ZNF385D: variants seen among roughly 807,000 people sequenced by gnomAD.
ZNF385D encodes zinc finger protein 659.
In ZNF385D, 15 loss-of-function variants were observed where a neutral mutation model predicts 35.8. That is an observed-to-expected ratio of 0.42 (90% CI 0.28 to 0.64). The LOEUF (loss-of-function observed/expected upper bound fraction) is 0.64, where lower values mean the gene tolerates loss of function less well. Among genes scored for constraint, ZNF385D ranks in the 30% least tolerant of loss-of-function variants. The pLI, the probability that ZNF385D is intolerant of heterozygous loss-of-function variation, is 0.23. For synonymous variants in ZNF385D, 212 were observed against 186.8 expected (o/e 1.13, Z -1.10); for missense variants, 474 against 494.6 (o/e 0.96, Z 0.39).
chr3:21,919,969 G>C (rs1007105553), intron 3 of ZNF385D, among the ~76,000 whole-genome samples: 1 of 152,080 alleles, frequency 6.6e-6, no homozygotes, highest in Non-Finnish European at 1.5e-5. Context: ...AATACCATAA[G>C]AATAACAATC....
intron 3 of ZNF385D, among the ~76,000 whole-genome samples, chr3:21,877,479 GTTAT>G (rs1398679554): frequency 1.3e-5 from 2 of 152,038 alleles, no homozygotes; most frequent in African/African-American, 2.4e-5. Context: ...CACTTTGGTA[GTTAT>G]TTAAAGTTAA....
At chr3:21,888,080 C>T (rs1452303967) in intron 3 of ZNF385D, among the ~76,000 whole-genome samples, 1 of 151,888 alleles carries the variant, frequency 6.6e-6, no homozygotes, top group Admixed American at 6.6e-5. Flanking sequence ...AATAATTGCT[C>T]CCCCCCTTTT....
At chr3:22,159,399 T>A (rs1034746589) in intron 3 of ZNF385D, among the ~76,000 whole-genome samples, 1 of 151,956 alleles carries the variant, frequency 6.6e-6, no homozygotes, top group East Asian at 1.9e-4. Flanking sequence ...TAGAGTATAC[T>A]TCATCTTGGA....
Position 21,417,867 on chromosome 3 carries a change from A to G in ZNF385D, c.*3347T>C, listed in dbSNP as rs1700585992. ...TAATGGCAGTGAATTACTGCGATAG[A>G]TCAGGAGAAGCCAAATAGTACCTAA... On this transcript the variant is annotated 3_prime_UTR_variant, in exon 8 of 8. Coordinates refer to ENST00000281523, the MANE Select transcript of ZNF385D (RefSeq NM_024697.3). 6.6e-6 allele frequency: 1 copy of G among 152,198 alleles called. No homozygotes were observed. Among genetic ancestry groups the G allele is most frequent in the South Asian group, 2.1e-4 (1 of 4,836 alleles). 9.4% of individuals were successfully genotyped at this position (152,198 alleles called of 1,614,324 possible).
At chr3:21,747,674 G>T (rs1000972984) in intron 1 of ZNF385D, among the ~76,000 whole-genome samples, 1 of 152,142 alleles carries the variant, frequency 6.6e-6, no homozygotes, top group Non-Finnish European at 1.5e-5. Context: ...TCTGCCAGGC[G>T]CTGAGCAATT....
At chr3:21,732,481 G>A (rs1467586712) in intron 1 of ZNF385D, among the ~76,000 whole-genome samples, 1 of 152,166 alleles carries the variant, frequency 6.6e-6, no homozygotes, top group Non-Finnish European at 1.5e-5. Flanking sequence ...CTTCTAACGT[G>A]CCTGTAGCAT....
At chr3:21,674,051 C>T (rs753616358) in intron 1 of ZNF385D, among the ~76,000 whole-genome samples, 1 of 152,116 alleles carries the variant, frequency 6.6e-6, no homozygotes, top group Non-Finnish European at 1.5e-5. Context: ...TACTCATGAT[C>T]TGTACCTCTT....
intron 3 of ZNF385D, among the ~76,000 whole-genome samples, chr3:21,971,219 T>C (rs492013): frequency 0.14 from 20,735 of 152,030 alleles, 3,399 homozygotes; most frequent in African/African-American, 0.39. Context: ...ATACCCAGAA[T>C]AGAAAGACTA....
chr3:22,310,288 A>G (rs940914621), intron 2 of ZNF385D, among the ~76,000 whole-genome samples: 2 of 151,938 alleles, frequency 1.3e-5, no homozygotes, highest in Admixed American at 6.6e-5. Flanking sequence ...AGATAAAACA[A>G]ATTACCTTTC....
At chr3:21,501,426 T>C (rs953624329) in intron 4 of ZNF385D, among the ~76,000 whole-genome samples, 2 of 152,240 alleles carry the variant, frequency 1.3e-5, no homozygotes, top group Non-Finnish European at 2.9e-5. Flanking sequence ...GCAAGTGTAA[T>C]TCTTAATTCA....
At chr3:21,865,350 G>T (rs1697289741) in intron 3 of ZNF385D, among the ~76,000 whole-genome samples, 2 of 151,870 alleles carry the variant, frequency 1.3e-5, no homozygotes, top group Admixed American at 6.6e-5. Flanking sequence ...AGGTCTGACT[G>T]AAGTTTGCTT....
At chr3:21,600,189 GC>G (rs2064242361) in intron 2 of ZNF385D, among the ~76,000 whole-genome samples, 1 of 152,138 alleles carries the variant, frequency 6.6e-6, no homozygotes, top group Non-Finnish European at 1.5e-5. Context: ...ATAAAAATGG[GC>G]AACCAGCAGC....
chr3:22,016,428 G>A (rs773557571), intron 3 of ZNF385D, among the ~76,000 whole-genome samples: 1 of 152,036 alleles, frequency 6.6e-6, no homozygotes, highest in Non-Finnish European at 1.5e-5. Flanking sequence ...GGCAAATTGT[G>A]CAGACCAAGG....
At chr3:22,000,341 T>G (rs1009365277) in intron 3 of ZNF385D, among the ~76,000 whole-genome samples, 3 of 151,862 alleles carry the variant, frequency 2.0e-5, no homozygotes, top group Admixed American at 2.0e-4. Flanking sequence ...ACATTGTAGT[T>G]AAACCGTCAA....
At chr3:21,479,742 A>T (rs568684707) in intron 4 of ZNF385D, among the ~76,000 whole-genome samples, 6 of 152,272 alleles carry the variant, frequency 3.9e-5, no homozygotes, top group African/African-American at 1.4e-4. Context: ...ACCTGCCTCT[A>T]TAATTTGCTT....
chr3:21,761,226 T>C (rs2070593358), intron 3 of ZNF385D, among the ~76,000 whole-genome samples: 1 of 152,216 alleles, frequency 6.6e-6, no homozygotes, highest in Admixed American at 6.5e-5. Flanking sequence ...GATATTTTAG[T>C]GCAAATTCAT....
chr3:22,354,548 T>C (rs1429587295), intron 2 of ZNF385D, among the ~76,000 whole-genome samples: 2 of 152,110 alleles, frequency 1.3e-5, no homozygotes, highest in Non-Finnish European at 2.9e-5. Flanking sequence ...TTGTATTCAT[T>C]CAATTAAATT....
intron 1 of ZNF385D, among the ~76,000 whole-genome samples, chr3:21,705,208 G>T (rs747511521): frequency 5.9e-5 from 9 of 152,128 alleles, no homozygotes; most frequent in Non-Finnish European, 1.2e-4. Flanking sequence ...GTACAATGCA[G>T]CTGGCATGCT....
At position 22,103,381 on chromosome 3, in the gene ZNF385D, A is replaced by G. The variant is rs542340509; in HGVS notation, c.325+65436T>C. Among the ~76,000 whole-genome samples, 52 of 152,238 alleles carry G rather than the reference A, an allele frequency of 3.4e-4. 1 individual carries two copies. Among genetic ancestry groups the G allele is most frequent in the South Asian group, 2.5e-3 (12 of 4,826 alleles). ...ACAAAAACACCCCAAGAATAAAATT[A>G]TAGACCTACAAAGTAAACATCTGCT... On this transcript the variant is annotated intron_variant, in intron 3 of 5. Transcript: ENST00000494108.
Sources: allele counts gnomAD v4.1 joint callset (sites outside exome capture counted in the v4.1 genomes callset), GRCh38; gene constraint gnomAD v4.1.1; transcripts MANE v1.5; gene names NCBI Gene and HGNC (gene_info 2026-07-23, HGNC 2026-07-21).